EPHA7: variants seen among roughly 807,000 people sequenced by gnomAD.
EPHA7 encodes ephrin type-A receptor 7.
A neutral mutation model predicts 112.6 loss-of-function variants in EPHA7; 25 were observed. That is an observed-to-expected ratio of 0.22 (90% CI 0.16 to 0.31). EPHA7 has a LOEUF of 0.31. EPHA7 is among the 10% of genes least tolerant of loss of function. The probability of loss-of-function intolerance (pLI) is 1.00; values close to 1 mark genes in which losing one functional copy is unlikely to be tolerated. For missense variants in EPHA7, 962 were observed against 1,212.6 expected (o/e 0.79, Z 3.07); for synonymous variants, 437 against 406.5 (o/e 1.07, Z -0.90).
At chr6:93,350,492 TTCTTG>T (rs1775634885) in intron 5 of EPHA7, among the ~76,000 whole-genome samples, 1 of 152,046 alleles carries the variant, frequency 6.6e-6, no homozygotes, top group Non-Finnish European at 1.5e-5. Flanking sequence ...ATGATATCAG[TTCTTG>T]TCTTAACAAC....
chr6:93,312,168 A>C (rs1773574711), intron 5 of EPHA7, among the ~76,000 whole-genome samples: 1 of 152,214 alleles, frequency 6.6e-6, no homozygotes, highest in South Asian at 2.1e-4. Context: ...TTAGCCCTTA[A>C]AAAGAGAGTC....
intron 5 of EPHA7, among the ~76,000 whole-genome samples, chr6:93,334,955 T>A (rs566662200): frequency 6.6e-6 from 1 of 151,968 alleles, no homozygotes; most frequent in South Asian, 2.1e-4. Context: ...ACAACACAAG[T>A]GTGAAAATCA....
intron 5 of EPHA7, among the ~76,000 whole-genome samples, chr6:93,341,531 AAGAAAGTTAT>A (rs1775137470): frequency 6.6e-6 from 1 of 151,864 alleles, no homozygotes; most frequent in African/African-American, 2.4e-5. Context: ...ATTCAGAATA[AAGAAAGTTAT>A]AGAAAACAGA....
At chr6:93,257,547 C>A in intron 11 of EPHA7, 24 bp from the exon 12 acceptor site, 1 of 1,545,326 alleles carries the variant, frequency 6.5e-7, no homozygotes, top group South Asian at 1.1e-5. Flanking sequence ...AAAAAAGTTT[C>A]AGGAGTCGTA....
chr6:93,404,888 T>G (rs1210105208), intron 3 of EPHA7, among the ~76,000 whole-genome samples: 1 of 151,774 alleles, frequency 6.6e-6, no homozygotes, highest in African/African-American at 2.4e-5. Flanking sequence ...TCTTCTACCT[T>G]TTATATAATT....
At chr6:93,360,369 C>CA (rs1776199344) in intron 3 of EPHA7, among the ~76,000 whole-genome samples, 1 of 152,064 alleles carries the variant, frequency 6.6e-6, no homozygotes, top group Non-Finnish European at 1.5e-5. Flanking sequence ...ATGCTTTACT[C>CA]ACAACTCGCT....
At chr6:93,277,973 A>T (rs1186228853) in intron 5 of EPHA7, among the ~76,000 whole-genome samples, 1 of 152,014 alleles carries the variant, frequency 6.6e-6, no homozygotes, top group Non-Finnish European at 1.5e-5. Flanking sequence ...AAAATACCTA[A>T]TAAGAACTAC....
chr6:93,293,579 C>T (rs114535111), intron 5 of EPHA7, among the ~76,000 whole-genome samples: 1,844 of 152,212 alleles, frequency 0.012, 42 homozygotes, highest in African/African-American at 0.042. Context: ...TCTGTCGACA[C>T]TGGTATCAAA....
chr6:93,406,615 AAAT>A (rs745319074), intron 3 of EPHA7, among the ~76,000 whole-genome samples: 9 of 151,852 alleles, frequency 5.9e-5, no homozygotes, highest in Admixed American at 3.9e-4. Context: ...TGAAAGAGAA[AAAT>A]AATAATATTT....
chr6:93,243,833 T>A (rs748506645), intron 16 of EPHA7, among the ~76,000 whole-genome samples: 18 of 152,202 alleles, frequency 1.2e-4, no homozygotes, highest in Non-Finnish European at 2.4e-4. Flanking sequence ...ATTATTAACT[T>A]AAGGAAAGGT....
intron 5 of EPHA7, among the ~76,000 whole-genome samples, chr6:93,347,105 G>C (rs914981702): frequency 2.0e-5 from 3 of 151,752 alleles, no homozygotes; most frequent in Non-Finnish European, 2.9e-5. Context: ...TTACAAATTT[G>C]TATCTCCAAA....
At chr6:93,292,157 G>A (rs1280215127) in intron 5 of EPHA7, among the ~76,000 whole-genome samples, 5 of 152,028 alleles carry the variant, frequency 3.3e-5, no homozygotes, top group Admixed American at 1.3e-4. Context: ...GCAAGAAAAG[G>A]CACAATCCCA....
In EPHA7 at chr6:93,377,786, T is replaced by C. The variant is rs569017255; in HGVS notation, c.833-19375A>G. Among the ~76,000 whole-genome samples, 4 of 152,294 alleles carry C rather than the reference T, an allele frequency of 2.6e-5. No homozygotes were observed. The South Asian group carries it at 8.3e-4, about 32-fold the overall frequency. On this transcript the variant is annotated intron_variant, in intron 3 of 16. Coordinates refer to ENST00000369303, the MANE Select transcript of EPHA7 (RefSeq NM_004440.4). ...TATTCTTTTGACCCTCTCATAACAGTAACTCTGTGTCAAATCGTTATCATA... is the reference window on the plus strand; with the variant it reads ...TATTCTTTTGACCCTCTCATAACAGCAACTCTGTGTCAAATCGTTATCATA...
chr6:93,255,437 C>A (rs9294568), intron 13 of EPHA7, among the ~76,000 whole-genome samples: 67,730 of 151,908 alleles, frequency 0.45, 15,932 homozygotes, highest in South Asian at 0.7. Context: ...AATTTAAATA[C>A]ATTCTCACAT....
chr6:93,344,894 T>A (rs540746362), intron 5 of EPHA7, among the ~76,000 whole-genome samples: 1 of 151,598 alleles, frequency 6.6e-6, no homozygotes, highest in Non-Finnish European at 1.5e-5. Context: ...TTTGTCACAC[T>A]TTTAAATTAT....
intron 5 of EPHA7, among the ~76,000 whole-genome samples, chr6:93,322,226 G>A (rs1044191777): frequency 6.6e-6 from 1 of 151,586 alleles, no homozygotes; most frequent in Non-Finnish European, 1.5e-5. Context: ...TATCTGTAAA[G>A]TATACTATAT....
Position 93,259,432 on chromosome 6 carries a change from C to T in EPHA7, c.1846G>A (p.Asp616Asn), listed in dbSNP as rs1562049937. The change falls in exon 10 of 17, where the codon GAC becomes AAC. Residue 616 changes from aspartate to asparagine, a missense_variant. Transcript: ENST00000369303. ...AATTGATGGACAGCTCTATTTGGGT[C>T]CTCATAGGTTTCAGGGTCAATGTAG... ...KTYIDPETYEDPNRAVHQFAK... is the reference protein window; with the variant it reads ...KTYIDPETYENPNRAVHQFAK... 6.2e-7 allele frequency: 1 copy of T among 1,612,036 alleles called. No individual in the cohort carries two copies. Among genetic ancestry groups the T allele is most frequent in the African/African-American group, 1.3e-5 (1 of 74,916 alleles).
At chr6:93,403,608 C>A (rs1025591502) in intron 3 of EPHA7, among the ~76,000 whole-genome samples, 5 of 150,548 alleles carry the variant, frequency 3.3e-5, no homozygotes, top group Admixed American at 3.3e-4. Flanking sequence ...TATGGTTGCA[C>A]CTGTGAATAG....
At chr6:93,273,862 A>G (rs904391972) in intron 5 of EPHA7, among the ~76,000 whole-genome samples, 1 of 152,016 alleles carries the variant, frequency 6.6e-6, no homozygotes, top group Non-Finnish European at 1.5e-5. Flanking sequence ...AGTAGACTGC[A>G]ACGTTCAAGA....
Sources: gnomAD v4.1 joint callset for allele counts (sites outside exome capture counted in the v4.1 genomes callset) on GRCh38, gnomAD v4.1.1 for gene constraint, MANE v1.5 for transcripts, NCBI Gene and HGNC (gene_info 2026-07-23, HGNC 2026-07-21) for gene names.